The following HTT variants were observed in gnomAD, a reference collection of about 807,000 sequenced individuals.
The protein encoded by HTT is huntingtin.
HTT carries 104 observed loss-of-function variants against 362.3 expected under a neutral mutation model. The ratio of observed to expected loss-of-function variants is 0.29; its 90% CI spans 0.24 to 0.34. HTT has a LOEUF of 0.34. Ranked by LOEUF, HTT falls within the 10% of genes least tolerant of loss-of-function variation. HTT has a pLI of 1.00. For synonymous variants in HTT, 1,577 were observed against 1,548.7 expected, an observed-to-expected ratio of 1.02 and a Z score of -0.43; for missense variants, 3,301 against 3,928.6, an observed-to-expected ratio of 0.84 and a Z score of 4.27.
At chr4:3,086,894 G>A (rs780981893) in intron 1 of HTT, 45 bp from the exon 2 acceptor site, 45 of 1,012,264 alleles carry the variant, frequency 4.4e-5, no homozygotes, top group Non-Finnish European at 6.2e-5. Context: ...TAAGTGGAGT[G>A]GGTAATTCAA....
rs1720547422 is a variant in HTT, at chr4:3,218,959, A to G, written c.7242+1007A>G. Among the ~76,000 whole-genome samples the G allele has an allele frequency of 6.6e-6, 1 of 152,126 alleles. No homozygotes were observed. Among genetic ancestry groups the G allele is most frequent in the African/African-American group, 2.4e-5 (1 of 41,418 alleles). ...TGTGTGTGTGTGTGCACGTGTGTGTATGTATGCTGGAGAGTCTAGGGAGGC... is the reference window on the plus strand; with the variant it reads ...TGTGTGTGTGTGTGCACGTGTGTGTGTGTATGCTGGAGAGTCTAGGGAGGC... On this transcript the variant is annotated intron_variant, in intron 52 of 66. Coordinates refer to ENST00000355072, the MANE Select transcript of HTT (RefSeq NM_001388492.1). The surrounding 1 kb of genome is among the most constrained non-coding windows in gnomAD (Gnocchi z 4.4).
At chr4:3,159,022 CT>C (rs1717311430) in intron 28 of HTT, among the ~76,000 whole-genome samples, 1 of 152,212 alleles carries the variant, frequency 6.6e-6, no homozygotes, top group South Asian at 2.1e-4. Context: ...CGGTCAGCTC[CT>C]GCTGCGCAGC....
chr4:3,110,018 G>A (rs1281911284), intron 6 of HTT, among the ~76,000 whole-genome samples: 2 of 152,204 alleles, frequency 1.3e-5, no homozygotes, highest in African/African-American at 2.4e-5. Flanking sequence ...GCCTTCAGCA[G>A]CACCAGCTTC....
chr4:3,088,550 T>C (rs1713335254), intron 2 of HTT, among the ~76,000 whole-genome samples: 1 of 152,218 alleles, frequency 6.6e-6, no homozygotes, highest in South Asian at 2.1e-4. Context: ...CAGTTCAGTA[T>C]ATATATTCGT....
chr4:3,172,517 C>T (rs939835021), intron 30 of HTT, 120 bp downstream of exon 30: 21 of 775,554 alleles, frequency 2.7e-5, no homozygotes, highest in East Asian at 5.0e-5. Context: ...TGGGGTCCAG[C>T]GCAGCACTTT....
In HTT at chr4:3,130,389, A is replaced by G. The variant is rs773894460; in HGVS notation, c.1952A>G (p.Asp651Gly). The G allele has an allele frequency of 6.8e-6, 11 of 1,607,508 alleles. No homozygotes were observed. The East Asian group carries it at 1.8e-4, about 26-fold the overall frequency. ...DSSVDKFVLR[D>G]EATEPGDQEN... is the part of the protein sequence containing the mutation. ...AGTGTTGATAAATTTGTGTTGAGAG[A>G]TGAAGCTACTGAACCGGGTGATCAA... Residue 651 changes from aspartate to glycine, a missense_variant, in exon 14 of 67, where the codon GAT becomes GGT. Physicochemically the swap from Asp to Gly is moderately conservative, Grantham distance 94. Coordinates refer to ENST00000355072, the MANE Select transcript of HTT (RefSeq NM_001388492.1).
At chr4:3,148,252 A>G (rs1461300062) in intron 26 of HTT, 45 bp downstream of exon 26, 11 of 1,382,932 alleles carry the variant, frequency 8.0e-6, no homozygotes, top group African/African-American at 2.9e-5. Context: ...CTTAATGACT[A>G]TGGGTTTCCA....
intron 6 of HTT, among the ~76,000 whole-genome samples, chr4:3,111,997 A>G (rs574305253): frequency 2.0e-5 from 3 of 152,264 alleles, no homozygotes; most frequent in Non-Finnish European, 4.4e-5. Context: ...ACTTCTTCCT[A>G]CGGGCTAACA....
In HTT at chr4:3,223,517, G is replaced by A. The variant is rs771412041; in HGVS notation, c.7582G>A (p.Glu2528Lys). 60 of 1,613,650 alleles carry A rather than the reference G, an allele frequency of 3.7e-5. No homozygotes were observed. The highest frequency in any genetic ancestry group is 4.8e-5 in the Non-Finnish European group (57 of 1,179,834). ...CGGCAACCCAGCTGTAAGCTGCTTG[G>A]AGCAGCAGCCCCGGAACAAGCCTCT... ...VAGNPAVSCLEQQPRNKPLKA... is the reference protein window; with the variant it reads ...VAGNPAVSCLKQQPRNKPLKA... The change falls in exon 55 of 67, where the codon GAG becomes AAG. Residue 2528 changes from glutamate (E) to lysine (K), a missense_variant. Glu to Lys is a moderately conservative substitution (Grantham distance 56). Coordinates refer to ENST00000355072, the MANE Select transcript of HTT (RefSeq NM_001388492.1).
In HTT at chr4:3,075,059, G is replaced by T; in HGVS notation, c.234G>T (p.Pro78=). Residue 78 remains proline, a synonymous_variant, in exon 1 of 67, where the codon CCG becomes CCT. Transcript: ENST00000355072. ...CGCCGCCCCCGCCGCCACCCGGCCC[G>T]GCTGTGGCTGAGGAGCCGCTGCACC... ...PPPPPPPPPG[P]AVAEEPLHRP... is the part of the protein sequence containing the mutation. The T allele has an allele frequency of 8.0e-7, 1 of 1,247,842 alleles. No individual in the cohort carries two copies. Among genetic ancestry groups the T allele is most frequent in the Non-Finnish European group, 1.0e-6 (1 of 1,002,510 alleles). 77.3% of individuals were successfully genotyped at this position (1,247,842 alleles called of 1,614,324 possible).
chr4:3,075,647 C>CGGGGGGGGGGCGGGGGGGG (rs1560535774), intron 1 of HTT, among the ~76,000 whole-genome samples: 1 of 61,666 alleles, frequency 1.6e-5, no homozygotes, highest in Non-Finnish European at 2.9e-5. Context: ...AGTGGCGGGG[C>CGGGGGGGGGGCGGGGGGGG]AGGGGGGGGG....
intron 28 of HTT, among the ~76,000 whole-genome samples, chr4:3,158,758 T>C (rs1717291882): frequency 6.6e-6 from 1 of 152,034 alleles, no homozygotes; most frequent in South Asian, 2.1e-4. Context: ...TGAGGTCTCT[T>C]TAAGCTGCAT....
At chr4:3,095,900 A>G (rs1482151064) in intron 2 of HTT, among the ~76,000 whole-genome samples, 3 of 152,248 alleles carry the variant, frequency 2.0e-5, no homozygotes, top group Admixed American at 2.0e-4. Context: ...TAACTATGTC[A>G]AAAAGGACAT....
chr4:3,112,605 A>T (rs765097548), intron 6 of HTT, among the ~76,000 whole-genome samples: 8 of 152,228 alleles, frequency 5.3e-5, no homozygotes, highest in Non-Finnish European at 1.2e-4. Flanking sequence ...CTGTAGTTTT[A>T]GGAGCTTCAT....
At position 3,211,924 on chromosome 4, in the gene HTT, T is replaced by A. The variant is rs746011229; in HGVS notation, c.6415-5T>A. 1 of 1,610,460 alleles carries A rather than the reference T, an allele frequency of 6.2e-7. No homozygotes were observed. Among genetic ancestry groups the A allele is most frequent in the South Asian group, 1.1e-5 (1 of 91,010 alleles). ...GTTTGTTAACCTTTAATGCTCTGAT[T>A]TCAGGAGTTCAACCTAAGCCTGCTA... On this transcript the variant is annotated splice_polypyrimidine_tract_variant and splice_region_variant and intron_variant, in intron 47 of 66. Transcript: ENST00000355072.
intron 18 of HTT, among the ~76,000 whole-genome samples, chr4:3,133,564 T>C (rs1578524679): frequency 6.7e-6 from 1 of 150,370 alleles, no homozygotes; most frequent in East Asian, 2.0e-4. Flanking sequence ...AGGCCCATAG[T>C]ATGGTAAGAG....
At chr4:3,187,421 T>C (rs112882118) in intron 38 of HTT, among the ~76,000 whole-genome samples, 9,514 of 152,160 alleles carry the variant, frequency 0.063, 460 homozygotes, top group Non-Finnish European at 0.097. Flanking sequence ...TCCCAAAGTG[T>C]TGGGATTACA....
chr4:3,188,746 A>G, intron 39 of HTT: 1 of 535,662 alleles, frequency 1.9e-6, no homozygotes, highest in East Asian at 3.2e-5. Flanking sequence ...GCTACCTGCC[A>G]TTTCATCCTC....
chr4:3,119,150 A>T (rs905320822), intron 8 of HTT, among the ~76,000 whole-genome samples: 3 of 152,234 alleles, frequency 2.0e-5, no homozygotes, highest in African/African-American at 7.2e-5. Context: ...CAATTCTAGG[A>T]TGATTGCTGT....
Sources: allele counts gnomAD v4.1 joint callset (sites outside exome capture counted in the v4.1 genomes callset), GRCh38; gene constraint gnomAD v4.1.1; non-coding constraint Gnocchi (gnomAD v3.1); transcripts MANE v1.5; gene names NCBI Gene and HGNC (gene_info 2026-07-23, HGNC 2026-07-21).